Variants in PTPRT observed in about 807,000 individuals in gnomAD.
The protein encoded by PTPRT is protein tyrosine phosphatase receptor type T, also known as receptor-type tyrosine-protein phosphatase T.
PTPRT carries 56 observed loss-of-function variants against 176.8 expected under a neutral mutation model. The ratio of observed to expected loss-of-function variants is 0.32; its 90% CI spans 0.26 to 0.40. PTPRT has a LOEUF of 0.40. Ranked by LOEUF, PTPRT falls within the 10% of genes least tolerant of loss-of-function variation. The pLI, the probability that PTPRT is intolerant of heterozygous loss-of-function variation, is 1.00. For missense variants in PTPRT, 1,540 were observed against 1,908.2 expected (o/e 0.81, Z 3.60); for synonymous variants, 783 against 739.0 (o/e 1.06, Z -0.96).
Position 42,924,242 on chromosome 20 carries a change from T to A in PTPRT, c.89-38310A>T, listed in dbSNP as rs573151470. On this transcript the variant is annotated intron_variant, in intron 1 of 30. Coordinates refer to ENST00000373187, the MANE Select transcript of PTPRT (RefSeq NM_007050.6). ...TAACCTGCCTTTTAACCCTTCCATT[T>A]AAAAAAAAAATTATAGCATGTGCTA... Among the ~76,000 whole-genome samples, 713 of 150,916 alleles carry A rather than the reference T, an allele frequency of 4.7e-3. 6 individuals are homozygous for A. Among genetic ancestry groups the A allele is most frequent in the African/African-American group, 0.017 (689 of 41,204 alleles).
chr20:42,597,046 C>T (rs1235558469), intron 7 of PTPRT, among the ~76,000 whole-genome samples: 1 of 152,204 alleles, frequency 6.6e-6, no homozygotes, highest in East Asian at 1.9e-4. Context: ...GTTCTCCGCT[C>T]AAGGTCCCAC....
intron 7 of PTPRT, among the ~76,000 whole-genome samples, chr20:42,662,538 A>C (rs2075242176): frequency 6.6e-6 from 1 of 152,186 alleles, no homozygotes; most frequent in South Asian, 2.1e-4. Context: ...CTTGCAGAGC[A>C]TTATTAGCCA....
chr20:42,989,274 C>A (rs1217462488), intron 1 of PTPRT, among the ~76,000 whole-genome samples: 1 of 152,248 alleles, frequency 6.6e-6, no homozygotes, highest in Non-Finnish European at 1.5e-5. Context: ...TGGGTGCAAG[C>A]ACAATTAGTA....
At chr20:42,709,994 G>T (rs3092573) in intron 6 of PTPRT, among the ~76,000 whole-genome samples, 4,160 of 152,294 alleles carry the variant, frequency 0.027, 221 homozygotes, top group African/African-American at 0.096. Flanking sequence ...AGGGTAACTG[G>T]CAGAATAAAT....
At chr20:42,781,491 C>T (rs906834347) in intron 3 of PTPRT, among the ~76,000 whole-genome samples, 2 of 152,180 alleles carry the variant, frequency 1.3e-5, no homozygotes, top group Admixed American at 6.5e-5. Context: ...CGGACTCTTG[C>T]TATATTTTCC....
rs78031210 is a variant in PTPRT, at chr20:42,091,668, T to C, written c.3847-5815A>G. Among the ~76,000 whole-genome samples, 911 of 152,340 alleles carry C rather than the reference T, an allele frequency of 6.0e-3. 11 individuals are homozygous for C. The highest frequency in any genetic ancestry group is 0.021 in the African/African-American group (862 of 41,574). Reference sequence around the variant, plus strand: ...TTTTAAAATTCAGCATCAGTGATTATAAAATTCCTTTAAACAGATTCTATA... The same window carrying C: ...TTTTAAAATTCAGCATCAGTGATTACAAAATTCCTTTAAACAGATTCTATA... On this transcript the variant is annotated intron_variant, in intron 27 of 30. Coordinates refer to ENST00000373187, the MANE Select transcript of PTPRT (RefSeq NM_007050.6).
chr20:43,110,280 G>A (rs1016347729), intron 1 of PTPRT, among the ~76,000 whole-genome samples: 1 of 152,212 alleles, frequency 6.6e-6, no homozygotes, highest in Non-Finnish European at 1.5e-5. Context: ...TCACCCTGGA[G>A]AGAGGCAATT....
intron 11 of PTPRT, among the ~76,000 whole-genome samples, chr20:42,316,249 GCTC>G (rs1451143669): frequency 6.6e-6 from 1 of 152,130 alleles, no homozygotes; most frequent in Non-Finnish European, 1.5e-5. Context: ...AAACCTGTCT[GCTC>G]CTCCTTCTAC....
At chr20:42,622,705 T>C (rs1362231074) in intron 7 of PTPRT, among the ~76,000 whole-genome samples, 2 of 152,114 alleles carry the variant, frequency 1.3e-5, no homozygotes, top group African/African-American at 4.8e-5. Flanking sequence ...AAAAACAAGA[T>C]TAGAAACAGA....
intron 9 of PTPRT, among the ~76,000 whole-genome samples, chr20:42,413,795 A>G (rs1014300398): frequency 9.9e-5 from 15 of 152,210 alleles, no homozygotes; most frequent in African/African-American, 3.6e-4. Flanking sequence ...TTCTTGAACT[A>G]TCTTTGATAT....
intron 16 of PTPRT, among the ~76,000 whole-genome samples, chr20:42,182,938 G>A (rs1291953057): frequency 7.2e-6 from 1 of 139,054 alleles, no homozygotes; most frequent in Non-Finnish European, 1.6e-5. Context: ...GTGTGTGTGT[G>A]TGTGTGTAAT....
At chr20:42,758,475 A>T (rs1436919160) in intron 5 of PTPRT, among the ~76,000 whole-genome samples, 1 of 152,190 alleles carries the variant, frequency 6.6e-6, no homozygotes, top group Non-Finnish European at 1.5e-5. Context: ...AGGGCAGCTA[A>T]GAGAGACTTG....
chr20:42,576,586 T>A (rs1191110094), intron 7 of PTPRT, among the ~76,000 whole-genome samples: 1 of 152,160 alleles, frequency 6.6e-6, no homozygotes, highest in Non-Finnish European at 1.5e-5. Flanking sequence ...TTGGGATGGC[T>A]TTCTGCCCCA....
chr20:42,916,530 G>A (rs2145943882), intron 1 of PTPRT, among the ~76,000 whole-genome samples: 1 of 152,268 alleles, frequency 6.6e-6, no homozygotes, highest in East Asian at 1.9e-4. Context: ...GATCCCTGAG[G>A]AATCGCCACA....
intron 7 of PTPRT, among the ~76,000 whole-genome samples, chr20:42,533,196 T>C (rs201367046): frequency 6.6e-6 from 1 of 152,160 alleles, no homozygotes; most frequent in East Asian, 1.9e-4. Flanking sequence ...GGCTGAGAAA[T>C]TGATGAAATC....
At chr20:42,999,392 C>T (rs1328830436) in intron 1 of PTPRT, among the ~76,000 whole-genome samples, 1 of 131,734 alleles carries the variant, frequency 7.6e-6, no homozygotes, top group Non-Finnish European at 1.6e-5. Flanking sequence ...AATGTATTAA[C>T]TTTTGTAATT....
intron 7 of PTPRT, among the ~76,000 whole-genome samples, chr20:42,507,239 G>A (rs1474785543): frequency 4.1e-4 from 62 of 152,128 alleles, no homozygotes; most frequent in Non-Finnish European, 1.2e-4. Flanking sequence ...TTCCAAATCT[G>A]TCACACAAAC....
chr20:42,110,449 G>C lies in PTPRT; in HGVS notation c.3138C>G (p.His1046Gln), dbSNP rs1255298948. 6.2e-7 allele frequency: 1 copy of C among 1,611,820 alleles called. No individual in the cohort carries two copies. Among genetic ancestry groups the C allele is most frequent in the Non-Finnish European group, 8.5e-7 (1 of 1,178,274 alleles). Residue 1046 changes from histidine to glutamine, a missense_variant, in exon 23 of 31, where the codon CAC becomes CAG. His to Gln is a conservative substitution (Grantham distance 24). Around this residue, in one of 11 missense-constraint regions of PTPRT, gnomAD observed 248 missense variants for 356.7 expected, o/e 0.70. Coordinates refer to ENST00000373187, the MANE Select transcript of PTPRT (RefSeq NM_007050.6). Reference protein sequence around the residue: ...YHEIRELRLFHFTSWPDHGVP... With the variant: ...YHEIRELRLFQFTSWPDHGVP... Reference sequence around the variant, plus strand: ...CGCCGTGGTCAGGCCAGCTGGTGAAGTGGAAGAGGCGGAGCTCCCGGATCT... The same window carrying C: ...CGCCGTGGTCAGGCCAGCTGGTGAACTGGAAGAGGCGGAGCTCCCGGATCT...
intron 7 of PTPRT, among the ~76,000 whole-genome samples, 169 bp from the exon 8 acceptor site, chr20:42,472,731 T>C (rs184984013): frequency 2.7e-3 from 407 of 152,308 alleles, no homozygotes; most frequent in Non-Finnish European, 4.2e-3. Context: ...ACATTTTTCT[T>C]TACATCAATC....
Sources: allele counts gnomAD v4.1 joint callset (sites outside exome capture counted in the v4.1 genomes callset), GRCh38; gene constraint gnomAD v4.1.1; regional missense constraint gnomAD v4.1.1; transcripts MANE v1.5; gene names NCBI Gene and HGNC (gene_info 2026-07-23, HGNC 2026-07-21).